Variants in CCP110 observed in about 807,000 individuals in gnomAD.
CCP110 encodes the protein centriolar coiled-coil protein of 110 kDa.
Under a neutral mutation model 105.5 loss-of-function variants are expected in CCP110, and 43 were observed. The observed-to-expected ratio is 0.41, with a 90% CI of 0.32 to 0.53. The LOEUF (loss-of-function observed/expected upper bound fraction) is 0.53. Among genes scored for constraint, CCP110 ranks in the 20% least tolerant of loss-of-function variants. The pLI is 0.32. For synonymous variants in CCP110, 353 were observed against 392.1 expected (o/e 0.90, Z 1.18); for missense variants, 1,016 against 1,189.1 (o/e 0.85, Z 2.14).
intron 3 of CCP110, among the ~76,000 whole-genome samples, chr16:19,534,795 C>T (rs73527782): frequency 0.024 from 3,514 of 149,476 alleles, 151 homozygotes; most frequent in African/African-American, 0.081. Flanking sequence ...GGATTTGTAA[C>T]GTAAAATAGG....
Position 19,551,338 on chromosome 16 carries a change from G to A in CCP110, c.*90G>A, listed in dbSNP as rs77353901. On this transcript the variant is annotated 3_prime_UTR_variant, in exon 15 of 15. Coordinates refer to ENST00000381396, the Ensembl canonical transcript of CCP110. ...AAGACTTTATTTAACCCTGGACTCC[G>A]TTTACACAGACAAAGTGACATCAGA... 2.3e-3 allele frequency: 2,415 copies of A among 1,043,808 alleles called. 53 individuals carry two copies. In the East Asian group the frequency reaches 0.039, roughly 17 times the overall value. 64.7% of individuals were successfully genotyped at this position (1,043,808 alleles called of 1,614,324 possible).
At chr16:19,536,681 A>C (rs753999033) in exon 4 of CCP110, 27 of 1,614,058 alleles carry the variant, frequency 1.7e-5, no homozygotes, top group Non-Finnish European at 2.3e-5. Context: ...TCTAGAGTCT[A>C]ATTCTGATTT....
At chr16:19,536,692 T>C in exon 4 of CCP110, 1 of 1,614,212 alleles carries the variant, frequency 6.2e-7, no homozygotes, top group Non-Finnish European at 8.5e-7. Flanking sequence ...ATTCTGATTT[T>C]AAAGTTATTC....
chr16:19,524,141 G>C (rs1418468851), intron 1 of CCP110, 53 bp downstream of exon 1: 3 of 153,164 alleles, frequency 2.0e-5, no homozygotes, highest in Non-Finnish European at 4.4e-5. Context: ...CTGAGAGGTG[G>C]TCTGGCGAGG....
At chr16:19,533,235 G>A (rs1222892259) in intron 3 of CCP110, among the ~76,000 whole-genome samples, 3 of 97,374 alleles carry the variant, frequency 3.1e-5, no homozygotes, top group East Asian at 2.8e-4. Flanking sequence ...AATTCGTATC[G>A]ATGACACGTG....
intron 2 of CCP110, among the ~76,000 whole-genome samples, chr16:19,529,526 A>G (rs1484183642): frequency 6.6e-6 from 1 of 152,186 alleles, no homozygotes; most frequent in Non-Finnish European, 1.5e-5. Context: ...CATTGTTGTC[A>G]TCTTTGCTTT....
exon 4 of CCP110, chr16:19,536,909 G>T (rs1444399311): frequency 4.3e-6 from 7 of 1,614,164 alleles, no homozygotes; most frequent in Non-Finnish European, 5.9e-6. Context: ...AATTATTCAA[G>T]ATACTGATGA....
chr16:19,525,765 A>G (rs1028573598), intron 1 of CCP110: 2 of 152,656 alleles, frequency 1.3e-5, no homozygotes, highest in Non-Finnish European at 2.9e-5. Context: ...GATTCAGTGA[A>G]CAAGACTGAA....
exon 15 of CCP110, chr16:19,551,420 C>A: frequency 1.5e-6 from 1 of 655,544 alleles, no homozygotes; most frequent in East Asian, 2.6e-5. Flanking sequence ...CTCCACACCC[C>A]TATTTTCCTC....
intron 2 of CCP110, among the ~76,000 whole-genome samples, chr16:19,531,439 C>T (rs1295453187): frequency 6.6e-6 from 1 of 152,100 alleles, no homozygotes; most frequent in East Asian, 1.9e-4. Context: ...GATTGAAATC[C>T]ATTATAAAGA....
Position 19,525,844 on chromosome 16 carries a change from C to T in CCP110, c.-16+1756C>T, listed in dbSNP as rs753404752. 5.2e-5 allele frequency: 8 copies of T among 152,600 alleles called. No individual in the cohort carries two copies. The East Asian group carries it at 1.2e-3, about 22-fold the overall frequency. The allele number at this position is 152,600 out of a possible 1,614,324, so 9.5% of individuals were successfully genotyped here. A position where few individuals can be genotyped will look rare whatever the true frequency, so the allele number is the denominator to read the frequency against. On this transcript the variant is annotated intron_variant, in intron 1 of 14. Coordinates refer to ENST00000381396, the Ensembl canonical transcript of CCP110. ...CAGACAAAAATCAAGGAAATAAACA[C>T]GATAATTTCAGATAGTGGTAAGTGC... is the stretch of plus-strand genomic sequence containing the variant.
At chr16:19,545,762 T>C in intron 10 of CCP110, 55 bp from the exon 11 acceptor site, 1 of 869,594 alleles carries the variant, frequency 1.1e-6, no homozygotes, top group Non-Finnish European at 2.0e-6. Context: ...TACATTATAA[T>C]ATAGTGGTAT....
At chr16:19,527,642 A>G (rs1018250617) in intron 1 of CCP110, among the ~76,000 whole-genome samples, 1 of 152,204 alleles carries the variant, frequency 6.6e-6, no homozygotes, top group Non-Finnish European at 1.5e-5. Flanking sequence ...TTTACATGCA[A>G]TAATATTCAG....
rs1486378813 is a variant in CCP110, at chr16:19,546,232, AT to A, written c.2778-179del. 1.1e-4 allele frequency: 58 copies of A among 527,178 alleles called. 1 individual carries two copies. In the South Asian group the frequency reaches 1.8e-3, roughly 16 times the overall value. The allele number at this position is 527,178 out of a possible 1,614,324, so 32.7% of individuals were successfully genotyped here. A position where few individuals can be genotyped will look rare whatever the true frequency, so the allele number is the denominator to read the frequency against. On this transcript the variant is annotated intron_variant, in intron 11 of 14. Transcript: ENST00000381396. ...AAGACTTAATGGGAAAAATATCTTA[AT>A]AACTTTTTTAAAAAATTCTTCTTTC...
intron 14 of CCP110, 104 bp from the exon 14 acceptor site, chr16:19,551,092 A>T (rs534144266): frequency 1.3e-6 from 1 of 745,112 alleles, no homozygotes; most frequent in Non-Finnish European, 2.4e-6. Flanking sequence ...ATGATAATGT[A>T]TATTGCCTAG....
chr16:19,531,117 T>C (rs1969851923), intron 2 of CCP110, among the ~76,000 whole-genome samples: 1 of 152,272 alleles, frequency 6.6e-6, no homozygotes, highest in Non-Finnish European at 1.5e-5. Flanking sequence ...TGTATAATCA[T>C]TCTTTGGTAC....
intron 12 of CCP110, 91 bp downstream of exon 12, chr16:19,546,565 C>G (rs1278848582): frequency 1.7e-5 from 12 of 721,992 alleles, no homozygotes; most frequent in Non-Finnish European, 2.8e-5. Context: ...GCCTGTAATC[C>G]CAGAACTTTG....
chr16:19,550,454 G>A (rs1055637082), intron 14 of CCP110, among the ~76,000 whole-genome samples: 4 of 152,142 alleles, frequency 2.6e-5, no homozygotes, highest in African/African-American at 9.7e-5. Flanking sequence ...CGTCCAGCCA[G>A]AATTGTATTC....
At chr16:19,541,503 G>C (rs983520071) in intron 5 of CCP110, among the ~76,000 whole-genome samples, 4 of 151,848 alleles carry the variant, frequency 2.6e-5, no homozygotes, top group Admixed American at 1.3e-4. Flanking sequence ...GTATGGACCT[G>C]TAGTCCCAGC....
Sources: gnomAD v4.1 joint callset for allele counts (sites outside exome capture counted in the v4.1 genomes callset) on GRCh38, gnomAD v4.1.1 for gene constraint, MANE v1.5 for transcripts, NCBI Gene and HGNC (gene_info 2026-07-23, HGNC 2026-07-21) for gene names.